The following CNTN4 variants were observed in gnomAD, a reference collection of about 807,000 sequenced individuals.
CNTN4 encodes the protein contactin-4.
A neutral mutation model predicts 122.5 loss-of-function variants in CNTN4; 77 were observed. The observed-to-expected ratio is 0.63, with a 90% CI of 0.52 to 0.76. The LOEUF is 0.76. Among genes scored for constraint, CNTN4 ranks in the 30% least tolerant of loss-of-function variants. The probability of loss-of-function intolerance (pLI) is 0.00; values close to 1 mark genes in which losing one functional copy is unlikely to be tolerated. For missense variants in CNTN4, 1,256 were observed against 1,259.1 expected (o/e 1.00, Z 0.04); for synonymous variants, 512 against 447.0 (o/e 1.15, Z -1.83).
chr3:2,170,237 G>C (rs971819444), intron 2 of CNTN4, among the ~76,000 whole-genome samples: 5 of 151,560 alleles, frequency 3.3e-5, no homozygotes, highest in Admixed American at 6.6e-5. Context: ...GGAGAATGGC[G>C]GGAACCCGGG....
At chr3:2,283,570 A>T (rs988913633) in intron 2 of CNTN4, among the ~76,000 whole-genome samples, 1 of 152,136 alleles carries the variant, frequency 6.6e-6, no homozygotes, top group Non-Finnish European at 1.5e-5. Context: ...CTAAACTGGA[A>T]GTAAAGAGGG....
intron 4 of CNTN4, among the ~76,000 whole-genome samples, chr3:2,635,115 T>C (rs923884352): frequency 6.6e-6 from 1 of 152,190 alleles, no homozygotes; most frequent in South Asian, 2.1e-4. Flanking sequence ...GTTGCTGTAT[T>C]ACACTTAAAC....
At chr3:2,778,225 T>A (rs1038952821) in intron 6 of CNTN4, among the ~76,000 whole-genome samples, 1 of 147,514 alleles carries the variant, frequency 6.8e-6, no homozygotes, top group Admixed American at 6.8e-5. Flanking sequence ...AATAAATAAA[T>A]AAATAAATAA....
At chr3:2,316,038 GA>G (rs1046139328) in intron 2 of CNTN4, among the ~76,000 whole-genome samples, 3 of 151,730 alleles carry the variant, frequency 2.0e-5, no homozygotes, top group African/African-American at 7.3e-5. Context: ...TTTCTTCACT[GA>G]AAAAAATGTC....
chr3:2,426,995 C>A (rs578205687), intron 3 of CNTN4, among the ~76,000 whole-genome samples: 64 of 152,060 alleles, frequency 4.2e-4, no homozygotes, highest in African/African-American at 1.5e-3. Context: ...CGGTCTATCA[C>A]TTCTGTTGAT....
rs1338814068 is a variant in CNTN4 at position 2,302,323 on chromosome 3, G to A, written c.-144-36855G>A. On this transcript the variant is annotated intron_variant, in intron 2 of 24. Coordinates refer to ENST00000418658, the MANE Select transcript of CNTN4 (RefSeq NM_175607.3). The stretch of plus-strand genomic sequence containing the variant: ...CACACCTGTAATCTCAGCTACTGAG[G>A]AGGCTGAGGCAGGAGAATCACTTGA... 2.0e-5 allele frequency among the ~76,000 whole-genome samples: 3 copies of A among 152,280 alleles called. No individual in the cohort carries two copies. The East Asian group carries it at 5.8e-4, about 29-fold the overall frequency.
intron 2 of CNTN4, among the ~76,000 whole-genome samples, chr3:2,186,559 T>C (rs915318211): frequency 3.3e-5 from 5 of 152,204 alleles, no homozygotes; most frequent in Non-Finnish European, 5.9e-5. Flanking sequence ...AGTGTAAAAG[T>C]GTTCCTATTT....
chr3:2,929,362 G>C (rs1445023873), intron 13 of CNTN4, among the ~76,000 whole-genome samples: 1 of 152,084 alleles, frequency 6.6e-6, no homozygotes, highest in Admixed American at 6.6e-5. Context: ...GACTGAAGTT[G>C]ACCTATTAAA....
At chr3:2,612,012 C>CGG (rs1553583563) in intron 4 of CNTN4, among the ~76,000 whole-genome samples, 2 of 15,986 alleles carry the variant, frequency 1.3e-4, no homozygotes, top group Non-Finnish European at 3.1e-4. Context: ...AAAATATTCT[C>CGG]AGGTGGTAAC....
chr3:2,226,162 C>T (rs2039274196), intron 2 of CNTN4, among the ~76,000 whole-genome samples: 1 of 152,056 alleles, frequency 6.6e-6, no homozygotes, highest in Admixed American at 6.6e-5. Flanking sequence ...ATTCTTACCT[C>T]CTTGCTGTAT....
At chr3:2,595,998 C>T (rs2080752826) in intron 4 of CNTN4, among the ~76,000 whole-genome samples, 1 of 152,146 alleles carries the variant, frequency 6.6e-6, no homozygotes, top group Non-Finnish European at 1.5e-5. Context: ...TTTTTCTCTT[C>T]TAAGAGTTTA....
chr3:2,897,677 C>G (rs190244030), intron 10 of CNTN4, among the ~76,000 whole-genome samples: 76 of 152,218 alleles, frequency 5.0e-4, no homozygotes, highest in Non-Finnish European at 9.1e-4. Context: ...ATTTATGCAA[C>G]ATTTTAATAT....
intron 2 of CNTN4, among the ~76,000 whole-genome samples, chr3:2,109,781 G>A (rs2032801017): frequency 6.6e-6 from 1 of 152,056 alleles, no homozygotes; most frequent in Non-Finnish European, 1.5e-5. Flanking sequence ...TTTGTCTTTA[G>A]TCACTCATTT....
intron 2 of CNTN4, among the ~76,000 whole-genome samples, chr3:2,218,900 A>G (rs1265042620): frequency 6.6e-6 from 1 of 152,122 alleles, no homozygotes; most frequent in African/African-American, 2.4e-5. Context: ...TCCTTTCTAT[A>G]TTTAGGAACT....
At chr3:2,943,023 G>T (rs1160773943) in intron 13 of CNTN4, among the ~76,000 whole-genome samples, 1 of 152,154 alleles carries the variant, frequency 6.6e-6, no homozygotes, top group Admixed American at 6.6e-5. Flanking sequence ...ATAATTGCTG[G>T]CAAAGAATAG....
At position 2,574,787 on chromosome 3, in the gene CNTN4, C is replaced by T. The variant is rs1237346113; in HGVS notation, c.55+3229C>T. On this transcript the variant is annotated intron_variant, in intron 4 of 24. Coordinates refer to ENST00000418658, the MANE Select transcript of CNTN4 (RefSeq NM_175607.3). ...TGGAAAACTAGAAAACAACATGCCC[C>T]ACTAAAATATTAATCTGTGCCCGGC... Among the ~76,000 whole-genome samples, 5 of 152,094 alleles carry T rather than the reference C, an allele frequency of 3.3e-5. No individual in the cohort carries two copies. The East Asian group carries it at 9.6e-4, about 29-fold the overall frequency.
chr3:2,642,770 C>G (rs1462548000), intron 4 of CNTN4, among the ~76,000 whole-genome samples: 1 of 152,152 alleles, frequency 6.6e-6, no homozygotes, highest in Non-Finnish European at 1.5e-5. Context: ...ATTTTTCTGT[C>G]CTTCTGTCTT....
intron 4 of CNTN4, among the ~76,000 whole-genome samples, chr3:2,608,541 G>T (rs2081350652): frequency 6.6e-6 from 1 of 152,176 alleles, no homozygotes; most frequent in African/African-American, 2.4e-5. Context: ...CAGTGATCTC[G>T]GCTTACTACA....
chr3:2,628,408 C>T (rs1050859015), intron 4 of CNTN4, among the ~76,000 whole-genome samples: 1 of 152,174 alleles, frequency 6.6e-6, no homozygotes, highest in African/African-American at 2.4e-5. Context: ...ATCAACTTTG[C>T]TGTTCCACAG....
Sources: allele counts gnomAD v4.1 joint callset (sites outside exome capture counted in the v4.1 genomes callset), GRCh38; gene constraint gnomAD v4.1.1; transcripts MANE v1.5; gene names NCBI Gene and HGNC (gene_info 2026-07-23, HGNC 2026-07-21).